ATP10A: variants seen among roughly 807,000 people sequenced by gnomAD.
The protein encoded by ATP10A is phospholipid-transporting ATPase VA.
Under a neutral mutation model 147.8 loss-of-function variants are expected in ATP10A, and 111 were observed. That is an observed-to-expected ratio of 0.75 (90% CI 0.64 to 0.88). The LOEUF is 0.88. Ranked by LOEUF, ATP10A falls within the 40% of genes least tolerant of loss-of-function variation. ATP10A has a pLI of 0.00. For missense variants in ATP10A, 1,927 were observed against 1,959.0 expected (o/e 0.98, Z 0.31); for synonymous variants, 875 against 841.6 (o/e 1.04, Z -0.69).
At chr15:25,781,686 C>G (rs1440330216) in intron 1 of ATP10A, among the ~76,000 whole-genome samples, 2 of 152,074 alleles carry the variant, frequency 1.3e-5, no homozygotes, top group South Asian at 4.2e-4. Flanking sequence ...AAAGAATATT[C>G]ATACCACTGA....
chr15:25,723,821 C>T (rs979285573), intron 6 of ATP10A, 70 bp downstream of exon 6: 3 of 1,334,728 alleles, frequency 2.2e-6, no homozygotes, highest in South Asian at 1.8e-5. Context: ...AAATTCTGAA[C>T]AGAGTATGAT....
chr15:25,720,078 A>G (rs1902118648), intron 7 of ATP10A, among the ~76,000 whole-genome samples: 1 of 152,172 alleles, frequency 6.6e-6, no homozygotes, highest in Admixed American at 6.5e-5. Flanking sequence ...TTATGGTAGC[A>G]TTTGGCAACT....
intron 1 of ATP10A, among the ~76,000 whole-genome samples, chr15:25,845,331 TG>T (rs1391650520): frequency 4.5e-4 from 54 of 119,774 alleles, no homozygotes; most frequent in African/African-American, 1.1e-3. Flanking sequence ...TTTGTGTGTG[TG>T]TGTGTGTGTG....
At chr15:25,785,040 C>T (rs1434138269) in intron 1 of ATP10A, among the ~76,000 whole-genome samples, 3 of 152,092 alleles carry the variant, frequency 2.0e-5, no homozygotes, top group Admixed American at 6.5e-5. Context: ...ACAGGCCCCT[C>T]CTTACTGCAG....
At position 25,691,699 on chromosome 15, in the gene ATP10A, C is replaced by A; in HGVS notation, c.3165+16G>T. On this transcript the variant is annotated intron_variant, in intron 15 of 20. Coordinates refer to ENST00000555815, the MANE Select transcript of ATP10A (RefSeq NM_024490.4). ...AGGGCCAATTGGTCACACAGAATAG[C>A]CTGATTGGTCTTTACCTGCATACCC... is the stretch of plus-strand genomic sequence containing the variant. The A allele has an allele frequency of 6.2e-7, 1 of 1,614,014 alleles. No homozygotes were observed.
intron 2 of ATP10A, among the ~76,000 whole-genome samples, chr15:25,763,229 G>A (rs966491299): frequency 3.3e-5 from 5 of 152,108 alleles, no homozygotes; most frequent in South Asian, 2.1e-4. Flanking sequence ...GTTATTTTAC[G>A]TGCCTAAATT....
At chr15:25,781,671 A>G (rs1046528001) in intron 1 of ATP10A, among the ~76,000 whole-genome samples, 4 of 152,122 alleles carry the variant, frequency 2.6e-5, no homozygotes, top group African/African-American at 9.7e-5. Context: ...AAAGAAGGAA[A>G]AAAAAAAGAA....
chr15:25,723,876 A>T lies in ATP10A; in HGVS notation c.1110+15T>A. ...AAAAGTAAAGCAATTATTGTACGAT[A>T]CTTAGTATTGTTACCTGCAGAACTA... On this transcript the variant is annotated intron_variant, in intron 6 of 20. Transcript: ENST00000555815. The T allele has an allele frequency of 6.3e-7, 1 of 1,576,516 alleles. No homozygotes were observed. The highest frequency in any genetic ancestry group is 1.2e-5 in the South Asian group (1 of 84,186).
At chr15:25,809,971 G>A (rs1318390445) in intron 1 of ATP10A, among the ~76,000 whole-genome samples, 1 of 151,070 alleles carries the variant, frequency 6.6e-6, no homozygotes, top group East Asian at 2.0e-4. Context: ...AGAAAATCTG[G>A]GACATGCATG....
At chr15:25,700,274 C>T (rs1900588745) in intron 13 of ATP10A, among the ~76,000 whole-genome samples, 1 of 152,230 alleles carries the variant, frequency 6.6e-6, no homozygotes, top group South Asian at 2.1e-4. Context: ...TAATACAGCA[C>T]TTTGAAAAGC....
intron 3 of ATP10A, among the ~76,000 whole-genome samples, chr15:25,731,613 A>T (rs6576449): frequency 4.6e-5 from 7 of 152,190 alleles, no homozygotes; most frequent in Non-Finnish European, 8.8e-5. Context: ...CCTCTCTGGG[A>T]GATGACATCT....
chr15:25,748,555 C>G (rs1887969689), intron 2 of ATP10A, among the ~76,000 whole-genome samples: 1 of 151,906 alleles, frequency 6.6e-6, no homozygotes, highest in South Asian at 2.1e-4. Context: ...GTACAATGTT[C>G]AAATTTTTCC....
chr15:25,678,973 A>G lies in ATP10A; in HGVS notation c.*368T>C, dbSNP rs1899210457. ...TGCCATCTCTGCTCATTGTTCCCCC[A>G]TGTTCACACCTGCCTGCATTAACCA... On this transcript the variant is annotated 3_prime_UTR_variant, in exon 21 of 21. Coordinates refer to ENST00000555815, the MANE Select transcript of ATP10A (RefSeq NM_024490.4). The G allele has an allele frequency of 6.5e-6, 1 of 152,842 alleles. No homozygotes were observed. The allele number at this position is 152,842 out of a possible 1,614,324, so 9.5% of individuals were successfully genotyped here.
At chr15:25,716,997 G>A (rs922639664) in intron 8 of ATP10A, 73 bp from the exon 9 acceptor site, 1 of 1,258,394 alleles carries the variant, frequency 7.9e-7, no homozygotes. Flanking sequence ...GACTATTTAA[G>A]GTACTTTGAT....
chr15:25,863,222 C>A lies in ATP10A; in HGVS notation c.-126G>T, dbSNP rs183841283. ...CCCCGCCTGCGGGACGCACGGAGAC[C>A]GCGGTCAGCGCGCCGCCTGGCCGGC... is the stretch of plus-strand genomic sequence containing the variant. On this transcript the variant is annotated 5_prime_UTR_variant, in exon 1 of 21. Coordinates refer to ENST00000555815, the MANE Select transcript of ATP10A (RefSeq NM_024490.4). The A allele has an allele frequency of 0.031, 18,415 of 598,756 alleles. 496 individuals are homozygous for A. The highest frequency in any genetic ancestry group is 0.17 in the South Asian group (2,207 of 13,246). The allele number at this position is 598,756 out of a possible 1,614,324, so 37.1% of individuals were successfully genotyped here.
intron 1 of ATP10A, among the ~76,000 whole-genome samples, chr15:25,790,378 CAT>C (rs777169058): frequency 1.7e-4 from 26 of 152,222 alleles, no homozygotes; most frequent in Non-Finnish European, 2.8e-4. Context: ...TGTGGAAGCA[CAT>C]GTGTGCATGG....
intron 1 of ATP10A, among the ~76,000 whole-genome samples, chr15:25,798,918 G>T (rs376581282): frequency 2.6e-5 from 4 of 152,044 alleles, no homozygotes; most frequent in African/African-American, 9.7e-5. Flanking sequence ...GGCTTGAGTG[G>T]TTTACTCTGT....
intron 1 of ATP10A, among the ~76,000 whole-genome samples, chr15:25,839,082 G>A (rs1892701698): frequency 6.6e-6 from 1 of 152,130 alleles, no homozygotes; most frequent in Admixed American, 6.5e-5. Context: ...TGACTTAACA[G>A]CGGGCTTGTA....
At chr15:25,762,088 G>C (rs1888789300) in intron 2 of ATP10A, among the ~76,000 whole-genome samples, 1 of 152,134 alleles carries the variant, frequency 6.6e-6, no homozygotes, top group Non-Finnish European at 1.5e-5. Flanking sequence ...TCTCGTGACA[G>C]TGAGTTCTCA....
Sources: gnomAD v4.1 joint callset for allele counts (sites outside exome capture counted in the v4.1 genomes callset) on GRCh38, gnomAD v4.1.1 for gene constraint, MANE v1.5 for transcripts, NCBI Gene and HGNC (gene_info 2026-07-23, HGNC 2026-07-21) for gene names.